The following SHISA6 variants were observed in gnomAD, a reference collection of about 807,000 sequenced individuals.
SHISA6 encodes protein shisa-6.
In SHISA6, 22 loss-of-function variants were observed where a neutral mutation model predicts 47.9. The ratio of observed to expected loss-of-function variants is 0.46; its 90% confidence interval spans 0.33 to 0.66. The LOEUF is 0.66. Among genes scored for constraint, SHISA6 ranks in the 30% least tolerant of loss-of-function variants. The probability of loss-of-function intolerance (pLI) is 0.02; values close to 1 mark genes in which losing one functional copy is unlikely to be tolerated. For missense variants in SHISA6, 680 were observed against 764.6 expected (o/e 0.89, Z 1.30); for synonymous variants, 388 against 337.8 (o/e 1.15, Z -1.63).
At chr17:11,469,018 CAAAAAAAAAAAAAA>C (rs61191316) in intron 3 of SHISA6, among the ~76,000 whole-genome samples, 2 of 46,066 alleles carry the variant, frequency 4.3e-5, no homozygotes, top group African/African-American at 1.6e-4. Context: ...GACTCCGTCT[CAAAAAAAAAAAAAA>C]AAAAAAAAAA....
chr17:11,479,003 T>A (rs937621598), intron 3 of SHISA6, among the ~76,000 whole-genome samples: 1 of 152,150 alleles, frequency 6.6e-6, no homozygotes, highest in African/African-American at 2.4e-5. Flanking sequence ...AGAATCAATA[T>A]CGTGAAAATG....
At chr17:11,344,974 T>C (rs868539557) in intron 2 of SHISA6, among the ~76,000 whole-genome samples, 46 of 152,298 alleles carry the variant, frequency 3.0e-4, no homozygotes, top group African/African-American at 1.1e-3. Context: ...CACAGTTCTA[T>C]TCTCTACTTC....
intron 3 of SHISA6, among the ~76,000 whole-genome samples, chr17:11,500,164 T>C (rs1318203201): frequency 6.6e-6 from 1 of 152,154 alleles, no homozygotes; most frequent in Non-Finnish European, 1.5e-5. Context: ...CCTCCTGCCA[T>C]ATGTATGCAC....
rs868608322 is a variant in SHISA6, at chr17:11,472,026, T to C, written c.896-79870T>C. The stretch of plus-strand genomic sequence containing the variant: ...GTGGGTTTTGACAAAAGTATAATGG[T>C]GTGTATTCATTATTATAGTATCTGA... On this transcript the variant is annotated intron_variant, in intron 3 of 5. Transcript: ENST00000441885. 1.8e-4 allele frequency among the ~76,000 whole-genome samples: 28 copies of C among 152,298 alleles called. 1 individual carries two copies. The highest frequency in any genetic ancestry group is 3.4e-3 in the Middle Eastern group (1 of 294).
intron 3 of SHISA6, among the ~76,000 whole-genome samples, chr17:11,403,820 A>G (rs553878216): frequency 1.3e-5 from 2 of 152,320 alleles, no homozygotes; most frequent in East Asian, 3.9e-4. Context: ...CCCTCCCTCG[A>G]TAATTGGAGG....
intron 3 of SHISA6, among the ~76,000 whole-genome samples, chr17:11,422,205 T>G (rs1914468077): frequency 1.3e-5 from 2 of 152,112 alleles, no homozygotes; most frequent in East Asian, 3.9e-4. Context: ...TCCCCATCGC[T>G]CCACCTGCAG....
chr17:11,277,606 A>G (rs529114201), intron 2 of SHISA6, among the ~76,000 whole-genome samples: 2 of 152,306 alleles, frequency 1.3e-5, no homozygotes, highest in African/African-American at 4.8e-5. Flanking sequence ...ATAATTATGT[A>G]TGCTCACAAA....
intron 3 of SHISA6, among the ~76,000 whole-genome samples, chr17:11,426,918 C>T (rs548444085): frequency 7.2e-5 from 11 of 152,162 alleles, no homozygotes; most frequent in Non-Finnish European, 1.3e-4. Context: ...CACAACCCTT[C>T]TTTGCAGAAA....
chr17:11,368,081 A>G (rs147140898), intron 2 of SHISA6, among the ~76,000 whole-genome samples: 31 of 152,284 alleles, frequency 2.0e-4, no homozygotes, highest in Non-Finnish European at 3.8e-4. Context: ...TAGATGACAA[A>G]ATCCCACAAG....
chr17:11,456,399 A>G (rs1471363177), intron 3 of SHISA6, among the ~76,000 whole-genome samples: 3 of 152,192 alleles, frequency 2.0e-5, no homozygotes, highest in Admixed American at 6.5e-5. Context: ...ACCTGGTTCC[A>G]TAAGCAGTCT....
chr17:11,475,543 G>A (rs1417823956), intron 3 of SHISA6, among the ~76,000 whole-genome samples: 1 of 152,018 alleles, frequency 6.6e-6, no homozygotes, highest in Non-Finnish European at 1.5e-5. Flanking sequence ...ATGACCATGT[G>A]ATTTTTCTTT....
chr17:11,394,116 C>T (rs1359700086), intron 3 of SHISA6, among the ~76,000 whole-genome samples: 2 of 152,108 alleles, frequency 1.3e-5, no homozygotes, highest in Admixed American at 1.3e-4. Flanking sequence ...GAGCAAGGAC[C>T]ATATCTGGAG....
chr17:11,381,551 G>A (rs1913008353), intron 3 of SHISA6, among the ~76,000 whole-genome samples: 1 of 152,212 alleles, frequency 6.6e-6, no homozygotes, highest in Non-Finnish European at 1.5e-5. Context: ...GAAGTAGAAA[G>A]GAGGCCAGTC....
At chr17:11,517,476 T>A (rs1179271784) in intron 3 of SHISA6, among the ~76,000 whole-genome samples, 1 of 152,158 alleles carries the variant, frequency 6.6e-6, no homozygotes, top group Non-Finnish European at 1.5e-5. Context: ...CAGATTAATT[T>A]TTTTCTTTTA....
At chr17:11,401,062 C>G (rs1913755805) in intron 3 of SHISA6, among the ~76,000 whole-genome samples, 1 of 152,174 alleles carries the variant, frequency 6.6e-6, no homozygotes, top group African/African-American at 2.4e-5. Context: ...ATTGTTGGCT[C>G]TCTGACTAGA....
rs565133217 is a variant in SHISA6, at chr17:11,392,247, C to T, written c.895+12738C>T. The stretch of plus-strand genomic sequence containing the variant: ...TGGTTTTTCACTAAGAGCAGTTGAA[C>T]GCCTGAGCCCTGAATCCATTTAACC... On this transcript the variant is annotated intron_variant, in intron 3 of 5. Transcript: ENST00000441885. Among the ~76,000 whole-genome samples, 44 of 152,054 alleles carry T rather than the reference C, an allele frequency of 2.9e-4. 1 individual carries two copies. The highest frequency in any genetic ancestry group is 1.1e-3 in the African/African-American group (44 of 41,472).
At chr17:11,322,419 A>G (rs958491844) in intron 2 of SHISA6, among the ~76,000 whole-genome samples, 1 of 152,150 alleles carries the variant, frequency 6.6e-6, no homozygotes, top group African/African-American at 2.4e-5. Context: ...CTGGTGATAA[A>G]TTCTCTTAAC....
chr17:11,492,430 G>A (rs1272428554), intron 3 of SHISA6, among the ~76,000 whole-genome samples: 1 of 152,126 alleles, frequency 6.6e-6, no homozygotes, highest in Non-Finnish European at 1.5e-5. Context: ...ACTGACTTGA[G>A]TTTAAGTCTC....
chr17:11,270,850 A>G (rs2142152452), intron 2 of SHISA6, among the ~76,000 whole-genome samples: 1 of 152,280 alleles, frequency 6.6e-6, no homozygotes, highest in Admixed American at 6.5e-5. Flanking sequence ...AGGGGAATGG[A>G]TGGCAAACAC....
Sources: gnomAD v4.1 joint callset for allele counts (sites outside exome capture counted in the v4.1 genomes callset) on GRCh38, gnomAD v4.1.1 for gene constraint, MANE v1.5 for transcripts, NCBI Gene and HGNC (gene_info 2026-07-23, HGNC 2026-07-21) for gene names.